The following RIMS1 variants were observed in gnomAD, a reference collection of about 807,000 sequenced individuals.
The protein encoded by RIMS1 is regulating synaptic membrane exocytosis 1, also known as regulating synaptic membrane exocytosis protein 1.
Under a neutral mutation model 214.1 loss-of-function variants are expected in RIMS1, and 83 were observed. That is an observed-to-expected ratio of 0.39 (90% CI 0.32 to 0.47). The LOEUF is 0.47. Ranked by LOEUF, RIMS1 falls within the 20% of genes least tolerant of loss-of-function variation. The pLI is 0.99. For synonymous variants in RIMS1, 793 were observed against 786.8 expected, an observed-to-expected ratio of 1.01 and a Z score of -0.13; for missense variants, 2,050 against 2,161.8, an observed-to-expected ratio of 0.95 and a Z score of 1.03.
chr6:72,246,471 G>C (rs9442759), intron 11 of RIMS1, among the ~76,000 whole-genome samples: 1,882 of 152,256 alleles, frequency 0.012, 46 homozygotes, highest in African/African-American at 0.044. Context: ...TAATGCAGAA[G>C]TGACCCAAAT....
chr6:72,010,095 A>G (rs1412356278), intron 2 of RIMS1, among the ~76,000 whole-genome samples: 1 of 152,214 alleles, frequency 6.6e-6, no homozygotes, highest in Non-Finnish European at 1.5e-5. Flanking sequence ...AATACTGGCA[A>G]ACTGAATCCA....
chr6:71,934,979 T>C, intron 1 of RIMS1, among the ~76,000 whole-genome samples: 1 of 152,180 alleles, frequency 6.6e-6, no homozygotes, highest in East Asian at 1.9e-4. Context: ...ACCCTAAAAT[T>C]GAACTATTTT....
intron 26 of RIMS1, among the ~76,000 whole-genome samples, chr6:72,296,725 T>G (rs2094130065): frequency 6.6e-6 from 1 of 151,936 alleles, no homozygotes; most frequent in Non-Finnish European, 1.5e-5. Flanking sequence ...AAAGTACATT[T>G]TCTCAATATT....
intron 6 of RIMS1, among the ~76,000 whole-genome samples, chr6:72,199,342 T>C (rs1421034445): frequency 1.3e-5 from 2 of 152,294 alleles, no homozygotes; most frequent in Non-Finnish European, 2.9e-5. Context: ...AACTACATTT[T>C]TCTCTGAGTG....
chr6:72,103,166 T>C (rs901144499), intron 4 of RIMS1, among the ~76,000 whole-genome samples: 2 of 152,110 alleles, frequency 1.3e-5, no homozygotes, highest in African/African-American at 2.4e-5. Context: ...TTTGGCTGAT[T>C]AGATTTCACA....
rs77949488 is a variant in RIMS1, at chr6:72,194,884, C to T, written c.1678+11735C>T. 2.5e-3 allele frequency among the ~76,000 whole-genome samples: 377 copies of T among 152,250 alleles called. 1 individual carries two copies. The highest frequency in any genetic ancestry group is 0.02 in the Middle Eastern group (6 of 294). On this transcript the variant is annotated intron_variant, in intron 6 of 33. Transcript: ENST00000521978. ...CTATTGCCAGGTGAGAAAAATTGGG[C>T]ATCTCTTGTCTTTTAGCTTATAAAT...
Position 72,400,712 on chromosome 6 carries a change from TA to T in RIMS1, c.5078del (p.Ter1693CysfsTer10). ...AACTGGGCCTCCCTGTATTCGATCA[TA>T]GTGAACTCATACCAGAGTCATTCCA... ...SSTGPPCIRS[*>X] On this transcript the variant is annotated frameshift_variant and stop_lost, in exon 34 of 34. Coordinates refer to ENST00000521978, the MANE Select transcript of RIMS1 (RefSeq NM_014989.7). LOFTEE classifies it high-confidence loss of function. The T allele has an allele frequency of 6.2e-7, 1 of 1,606,206 alleles. No individual in the cohort carries two copies. The highest frequency in any genetic ancestry group is 8.5e-7 in the Non-Finnish European group (1 of 1,173,232).
intron 29 of RIMS1, among the ~76,000 whole-genome samples, chr6:72,384,314 G>A (rs1397844864): frequency 6.6e-6 from 1 of 152,032 alleles, no homozygotes. Context: ...AGTCATAGGA[G>A]CTGTCTCTAT....
chr6:71,890,582 A>C lies in RIMS1; in HGVS notation c.164+3395A>C, dbSNP rs1259496469. On this transcript the variant is annotated intron_variant, in intron 1 of 33. Coordinates refer to ENST00000521978, the MANE Select transcript of RIMS1 (RefSeq NM_014989.7). ...TTACTCCTTTTTGTAAAAAAAAAAAAAAAAAAAAAAAAAAACTTCATAGAG... is the reference window on the plus strand; with the variant it reads ...TTACTCCTTTTTGTAAAAAAAAAAACAAAAAAAAAAAAAAACTTCATAGAG... Among the ~76,000 whole-genome samples the C allele has an allele frequency of 6.3e-5, 9 of 143,994 alleles. 1 individual carries two copies. The highest frequency in any genetic ancestry group is 2.2e-4 in the South Asian group (1 of 4,586). The allele number at this position is 143,994 out of a possible 152,430, so 94.5% of individuals were successfully genotyped here. A position where few individuals can be genotyped will look rare whatever the true frequency, so the allele number is the denominator to read the frequency against.
At chr6:72,093,228 AAAAACATG>A (rs1836807942) in intron 2 of RIMS1, among the ~76,000 whole-genome samples, 101 of 136,658 alleles carry the variant, frequency 7.4e-4, no homozygotes, top group Middle Eastern at 3.9e-3. Flanking sequence ...ATATATATAT[AAAAACATG>A]TGTGTATATA....
At chr6:72,247,364 C>T (rs1247336312) in intron 11 of RIMS1, among the ~76,000 whole-genome samples, 2 of 151,830 alleles carry the variant, frequency 1.3e-5, no homozygotes, top group South Asian at 2.1e-4. Context: ...GGAGAAACCC[C>T]GTCTCTACTA....
chr6:72,390,768 G>A lies in RIMS1; in HGVS notation c.4505+32G>A, dbSNP rs746958677. 70 of 1,609,482 alleles carry A rather than the reference G, an allele frequency of 4.3e-5. No homozygotes were observed. In the South Asian group the frequency reaches 7.4e-4, roughly 17 times the overall value. On this transcript the variant is annotated intron_variant, in intron 30 of 33. Transcript: ENST00000521978. ...GCTGTCAGCACGTCTGCATGGCTGT[G>A]GAACCAGGAATTGTGTACTAATCAG... is the stretch of plus-strand genomic sequence containing the variant.
chr6:72,126,266 T>C (rs907807633), intron 4 of RIMS1, among the ~76,000 whole-genome samples: 4 of 152,112 alleles, frequency 2.6e-5, no homozygotes, highest in Admixed American at 1.3e-4. Context: ...TAAACAAAAA[T>C]CAGCTCAAGA....
chr6:72,191,009 G>T (rs891602833), intron 6 of RIMS1, among the ~76,000 whole-genome samples: 2 of 152,166 alleles, frequency 1.3e-5, no homozygotes, highest in East Asian at 1.9e-4. Context: ...ATGGGTGCCT[G>T]CCAAAGGCTC....
At chr6:72,315,314 T>C (rs1353597191) in intron 28 of RIMS1, among the ~76,000 whole-genome samples, 1 of 152,216 alleles carries the variant, frequency 6.6e-6, no homozygotes. Context: ...AAAAAGAGTA[T>C]AAATAAACTT....
chr6:72,313,703 G>A, intron 28 of RIMS1, 31 bp downstream of exon 28: 2 of 1,566,622 alleles, frequency 1.3e-6, no homozygotes, highest in Non-Finnish European at 1.7e-6. Context: ...ATATAAACTG[G>A]ATCTTTATCT....
chr6:72,299,117 G>A (rs1475846564), intron 26 of RIMS1, among the ~76,000 whole-genome samples: 1 of 151,794 alleles, frequency 6.6e-6, no homozygotes, highest in Non-Finnish European at 1.5e-5. Context: ...ATGTAGTTTG[G>A]GGGCATCGAA....
At chr6:72,349,140 G>T (rs1387705064) in intron 29 of RIMS1, among the ~76,000 whole-genome samples, 1 of 151,908 alleles carries the variant, frequency 6.6e-6, no homozygotes, top group Non-Finnish European at 1.5e-5. Flanking sequence ...ATACTGTAAA[G>T]ATTATTTTCT....
Position 72,390,683 on chromosome 6 carries a change from G to T in RIMS1, c.4452G>T (p.Gln1484His). 1.9e-6 allele frequency: 3 copies of T among 1,613,928 alleles called. No homozygotes were observed. The highest frequency in any genetic ancestry group is 2.5e-6 in the Non-Finnish European group (3 of 1,179,834). Reference protein sequence around the residue: ...MAAEMRKMVRQPSRESTDGSI... With the variant: ...MAAEMRKMVRHPSRESTDGSI... ...CTGAAATGAGAAAGATGGTAAGGCA[G>T]CCGAGCCGAGAGTCTACTGATGGCA... The change falls in exon 30 of 34, where the codon CAG becomes CAT. Residue 1484 changes from glutamine to histidine, a missense_variant. Gln to His is a conservative substitution (Grantham distance 24). This residue lies in a region of RIMS1 where 121 missense variants were observed against 187.3 expected (regional missense o/e 0.65). Transcript: ENST00000521978.
Sources: allele counts gnomAD v4.1 joint callset (sites outside exome capture counted in the v4.1 genomes callset), GRCh38; gene constraint gnomAD v4.1.1; regional missense constraint gnomAD v4.1.1; transcripts MANE v1.5; gene names NCBI Gene and HGNC (gene_info 2026-07-23, HGNC 2026-07-21).